Variants in LRBA observed in about 807,000 individuals in gnomAD.
The protein encoded by LRBA is LPS responsive beige-like anchor protein, also known as lipopolysaccharide-responsive and beige-like anchor protein.
In LRBA, 176 loss-of-function variants were observed where a neutral mutation model predicts 330.0. The ratio of observed to expected loss-of-function variants is 0.53; its 90% CI spans 0.47 to 0.60. LRBA has a LOEUF of 0.60. LRBA is among the 20% of genes least tolerant of loss of function. The pLI is 0.00. For synonymous variants in LRBA, 1,230 were observed against 1,193.0 expected, an observed-to-expected ratio of 1.03 and a Z score of -0.64; for missense variants, 3,259 against 3,444.8, an observed-to-expected ratio of 0.95 and a Z score of 1.35.
chr4:150,735,597 A>C (rs1459885260), intron 35 of LRBA, among the ~76,000 whole-genome samples: 1 of 152,226 alleles, frequency 6.6e-6, no homozygotes, highest in East Asian at 1.9e-4. Context: ...AACAAAAGCA[A>C]CTAAAAATAC....
intron 47 of LRBA, among the ~76,000 whole-genome samples, chr4:150,411,668 T>C (rs1747026791): frequency 6.6e-6 from 1 of 152,074 alleles, no homozygotes; most frequent in Non-Finnish European, 1.5e-5. Context: ...CGAAGTATCG[T>C]CTGTAATAAT....
At chr4:150,774,758 C>A (rs1737040591) in intron 34 of LRBA, among the ~76,000 whole-genome samples, 1 of 152,118 alleles carries the variant, frequency 6.6e-6, no homozygotes, top group South Asian at 2.1e-4. Flanking sequence ...CTCAAGGGGA[C>A]CCAGCTTCCC....
chr4:150,716,035 C>T lies in LRBA; in HGVS notation c.5754+19223G>A, dbSNP rs145124643. ...TTTAGGAAATGTTCTGATGATATAGCTCGAAACAAACATCGTGTGGTGGTT... is the reference window on the plus strand; with the variant it reads ...TTTAGGAAATGTTCTGATGATATAGTTCGAAACAAACATCGTGTGGTGGTT... On this transcript the variant is annotated intron_variant, in intron 36 of 56. Transcript: ENST00000651943. 5.9e-5 allele frequency among the ~76,000 whole-genome samples: 9 copies of T among 152,196 alleles called. No homozygotes were observed. In the East Asian group the frequency reaches 1.7e-3, roughly 29 times the overall value.
At chr4:150,502,516 A>C (rs1760415317) in intron 40 of LRBA, among the ~76,000 whole-genome samples, 1 of 152,240 alleles carries the variant, frequency 6.6e-6, no homozygotes, top group African/African-American at 2.4e-5. Context: ...GAACTTAATT[A>C]AACAAAACTC....
chr4:150,818,201 T>C (rs1490468060), intron 30 of LRBA, among the ~76,000 whole-genome samples: 1 of 152,112 alleles, frequency 6.6e-6, no homozygotes, highest in Non-Finnish European at 1.5e-5. Flanking sequence ...AATTATGTAA[T>C]TCCAATATTT....
intron 36 of LRBA, among the ~76,000 whole-genome samples, chr4:150,718,827 T>G (rs1025842161): frequency 3.3e-5 from 5 of 152,078 alleles, no homozygotes; most frequent in Non-Finnish European, 5.9e-5. Context: ...CTGCAATGTA[T>G]TCGAGGATTA....
At chr4:150,429,671 C>A (rs6818267) in intron 46 of LRBA, among the ~76,000 whole-genome samples, 58,886 of 151,844 alleles carry the variant, frequency 0.39, 12,453 homozygotes, top group South Asian at 0.51. Context: ...GTCTGTTAGA[C>A]TCTCCTGCAT....
intron 40 of LRBA, among the ~76,000 whole-genome samples, chr4:150,527,723 C>T (rs896648205): frequency 1.3e-5 from 2 of 152,154 alleles, no homozygotes; most frequent in Admixed American, 1.3e-4. Context: ...GAACTGAAAA[C>T]TTATAAACTA....
At chr4:150,715,446 AAAAC>A (rs1367809062) in intron 36 of LRBA, among the ~76,000 whole-genome samples, 3 of 152,232 alleles carry the variant, frequency 2.0e-5, no homozygotes, top group South Asian at 2.1e-4. Flanking sequence ...TAAAATAATA[AAAAC>A]AAACAGTTTA....
At position 150,636,676 on chromosome 4, in the gene LRBA, C is replaced by T. The variant is rs187960592; in HGVS notation, c.5922-37545G>A. 1.2e-3 allele frequency among the ~76,000 whole-genome samples: 188 copies of T among 152,212 alleles called. 3 individuals carry two copies. Among genetic ancestry groups the T allele is most frequent in the African/African-American group, 4.4e-3 (184 of 41,532 alleles). On this transcript the variant is annotated intron_variant, in intron 37 of 56. Transcript: ENST00000651943. ...GCACGATGGCTCATGCCCGTAATCC[C>T]AGTACTTTATTGCCCAGCTGGAGTG...
At chr4:150,861,466 A>C (rs1295835583) in intron 22 of LRBA, among the ~76,000 whole-genome samples, 2 of 152,184 alleles carry the variant, frequency 1.3e-5, no homozygotes, top group African/African-American at 4.8e-5. Context: ...TGTGTATCTA[A>C]ACAAATATAA....
chr4:150,787,021 A>C (rs560061169), intron 34 of LRBA, among the ~76,000 whole-genome samples: 1 of 152,180 alleles, frequency 6.6e-6, no homozygotes, highest in African/African-American at 2.4e-5. Flanking sequence ...CACCTGAAGT[A>C]GAGAGTTCAA....
intron 37 of LRBA, among the ~76,000 whole-genome samples, chr4:150,647,250 T>C (rs867636781): frequency 1.3e-5 from 2 of 150,640 alleles, no homozygotes; most frequent in African/African-American, 2.4e-5. Flanking sequence ...TCTGGGACTA[T>C]AGCCTGAAAA....
At chr4:150,603,767 T>C (rs946784457) in intron 37 of LRBA, among the ~76,000 whole-genome samples, 1 of 152,220 alleles carries the variant, frequency 6.6e-6, no homozygotes, top group African/African-American at 2.4e-5. Context: ...CCTGAGTAGC[T>C]GGGATTACAG....
intron 56 of LRBA, among the ~76,000 whole-genome samples, chr4:150,274,182 A>G (rs1746477482): frequency 1.3e-5 from 2 of 152,206 alleles, no homozygotes; most frequent in Non-Finnish European, 1.5e-5. Context: ...CTACATAGAA[A>G]CTGAACAATT....
chr4:150,619,331 T>C (rs1010245704), intron 37 of LRBA, among the ~76,000 whole-genome samples: 1 of 152,276 alleles, frequency 6.6e-6, no homozygotes, highest in Non-Finnish European at 1.5e-5. Context: ...TGGCTTTTTT[T>C]CCCTCTCCAG....
chr4:150,471,165 T>A (rs770009923), intron 43 of LRBA, among the ~76,000 whole-genome samples: 3 of 152,210 alleles, frequency 2.0e-5, no homozygotes, highest in African/African-American at 2.4e-5. Context: ...ACTATACCAT[T>A]CTTGCTCTCT....
At chr4:150,698,380 T>G (rs1294737506) in intron 36 of LRBA, among the ~76,000 whole-genome samples, 1 of 152,200 alleles carries the variant, frequency 6.6e-6, no homozygotes, top group Non-Finnish European at 1.5e-5. Flanking sequence ...GAGGGATATA[T>G]TCAGACATTT....
intron 2 of LRBA, among the ~76,000 whole-genome samples, chr4:150,981,413 A>G (rs78909030): frequency 2.1e-5 from 3 of 145,638 alleles, no homozygotes; most frequent in Non-Finnish European, 4.6e-5. Flanking sequence ...ACTGTCTCAA[A>G]AAAAAAAAAA....
Sources: gnomAD v4.1 joint callset for allele counts (sites outside exome capture counted in the v4.1 genomes callset) on GRCh38, gnomAD v4.1.1 for gene constraint, MANE v1.5 for transcripts, NCBI Gene and HGNC (gene_info 2026-07-23, HGNC 2026-07-21) for gene names.